Variants in CATSPERG observed in about 807,000 individuals in gnomAD.
The protein encoded by CATSPERG is cation channel sperm-associated auxiliary subunit gamma.
Under a neutral mutation model 145.0 loss-of-function variants are expected in CATSPERG, and 115 were observed. That is an observed-to-expected ratio of 0.79 (90% CI 0.68 to 0.93). CATSPERG has a LOEUF of 0.93. Ranked by LOEUF, CATSPERG falls within the 40% of genes least tolerant of loss-of-function variation. The pLI, the probability that CATSPERG is intolerant of heterozygous loss-of-function variation, is 0.00. For missense variants in CATSPERG, 1,296 were observed against 1,490.1 expected (o/e 0.87, Z 2.14); for synonymous variants, 588 against 589.0 (o/e 1.00, Z 0.02).
Position 38,359,499 on chromosome 19 carries a change from C to T in CATSPERG, c.1526C>T (p.Ala509Val). The T allele has an allele frequency of 6.2e-7, 1 of 1,613,670 alleles. No individual in the cohort carries two copies. Among genetic ancestry groups the T allele is most frequent in the Non-Finnish European group, 8.5e-7 (1 of 1,179,650 alleles). ...AACAAGGAAAACTTCATCTACCTGG[C>T]AGACTTCCCCAAGGAACTGTCCATC... ...SSNKENFIYLADFPKELSIKY... is the reference protein window; with the variant it reads ...SSNKENFIYLVDFPKELSIKY... The change falls in exon 14 of 29, where the codon GCA becomes GTA. Residue 509 changes from alanine (A) to valine (V), a missense_variant. Physicochemically the swap from Ala to Val is moderately conservative, Grantham distance 64. Coordinates refer to ENST00000409235, the MANE Select transcript of CATSPERG (RefSeq NM_021185.5).
intron 9 of CATSPERG, among the ~76,000 whole-genome samples, chr19:38,355,804 A>C (rs997100043): frequency 2.0e-5 from 3 of 152,218 alleles, no homozygotes; most frequent in African/African-American, 7.2e-5. Context: ...CCAGGGGCCC[A>C]CAGGGTAGGT....
At chr19:38,360,697 C>T in intron 15 of CATSPERG, 34 bp from the exon 16 acceptor site, 1 of 1,613,822 alleles carries the variant, frequency 6.2e-7, no homozygotes, top group Middle Eastern at 1.6e-4. Context: ...GGAGGGCTGA[C>T]CCCAGCTCAC....
At chr19:38,344,172 C>T in intron 5 of CATSPERG, 53 bp downstream of exon 5, 2 of 1,549,460 alleles carry the variant, frequency 1.3e-6, no homozygotes, top group Non-Finnish European at 1.7e-6. Flanking sequence ...ATTCCTCACC[C>T]CAGGGTCCCC....
Position 38,367,691 on chromosome 19 carries a change from C to A in CATSPERG, c.2845C>A (p.Leu949Met). ...TTCTGTCCCTGGTAGCTATGTTCTG[C>A]TGGTGGTGGGTGGCGGGCCCACACT... is the stretch of plus-strand genomic sequence containing the variant. ...SGSFQGSYVLLVVGGGPTLDS... is the reference protein window; with the variant it reads ...SGSFQGSYVLMVVGGGPTLDS... Residue 949 changes from leucine to methionine, a missense_variant, in exon 25 of 29, where the codon CTG (leucine) becomes ATG (methionine). Leu to Met is a conservative substitution (Grantham distance 15). Transcript: ENST00000409235. 6.2e-7 allele frequency: 1 copy of A among 1,614,140 alleles called. No individual in the cohort carries two copies. Among genetic ancestry groups the A allele is most frequent in the Non-Finnish European group, 8.5e-7 (1 of 1,180,018 alleles).
intron 19 of CATSPERG, 32 bp from the exon 20 acceptor site, chr19:38,362,682 G>A (rs1249312790): frequency 6.8e-6 from 11 of 1,607,984 alleles, no homozygotes; most frequent in Non-Finnish European, 8.5e-6. Context: ...GTCTGTGAGG[G>A]AGGCCTTAAC....
chr19:38,370,370 C>G, intron 28 of CATSPERG, 112 bp downstream of exon 28: 4 of 1,387,820 alleles, frequency 2.9e-6, no homozygotes, highest in Non-Finnish European at 4.1e-6. Flanking sequence ...TCTAGCCATG[C>G]TGACTGAACG....
At chr19:38,346,276 T>G (rs955854145) in intron 6 of CATSPERG, among the ~76,000 whole-genome samples, 174 bp from the exon 7 acceptor site, 1 of 152,160 alleles carries the variant, frequency 6.6e-6, no homozygotes, top group African/African-American at 2.4e-5. Context: ...AGAAGAGGCC[T>G]TGTGGCTGGG....
intron 3 of CATSPERG, among the ~76,000 whole-genome samples, chr19:38,340,446 A>G (rs990412249): frequency 3.3e-5 from 5 of 151,426 alleles, no homozygotes; most frequent in African/African-American, 1.2e-4. Flanking sequence ...TCAGCTGCCC[A>G]AGTAGCTGGG....
At chr19:38,354,655 G>A (rs1032932946) in intron 8 of CATSPERG, 55 bp from the exon 9 acceptor site, 3 of 1,592,506 alleles carry the variant, frequency 1.9e-6, no homozygotes, top group Non-Finnish European at 2.6e-6. Flanking sequence ...TGGGCAGGGG[G>A]CAGAGGCCCC....
chr19:38,340,050 C>T (rs1192624505), intron 3 of CATSPERG, among the ~76,000 whole-genome samples: 2 of 151,906 alleles, frequency 1.3e-5, no homozygotes, highest in Non-Finnish European at 2.9e-5. Context: ...GACAGGGTTT[C>T]ACCATGTTGG....
chr19:38,358,480 G>A lies in CATSPERG; in HGVS notation c.1415G>A (p.Ser472Asn). ...ATCCTAGGGACAGAGTCCTACACCAGCACTGCAATGGCCCCCAAGGGCATC... is the reference window on the plus strand; with the variant it reads ...ATCCTAGGGACAGAGTCCTACACCAACACTGCAATGGCCCCCAAGGGCATC... ...LMILGTESYT[S>N]TAMAPKGIFC... Residue 472 changes from serine (S) to asparagine (N), a missense_variant, in exon 13 of 29, where the codon AGC (serine) becomes AAC (asparagine). By Grantham distance (46) the Ser-to-Asn change is conservative (BLOSUM62 1). Transcript: ENST00000409235. 6.2e-7 allele frequency: 1 copy of A among 1,614,196 alleles called. No homozygotes were observed. The highest frequency in any genetic ancestry group is 8.5e-7 in the Non-Finnish European group (1 of 1,180,024).
chr19:38,337,150 C>A (rs1228192686), intron 1 of CATSPERG, 71 bp from the exon 2 acceptor site: 2 of 1,506,794 alleles, frequency 1.3e-6, no homozygotes, highest in Non-Finnish European at 1.8e-6. Flanking sequence ...GGCGCAGAAG[C>A]GAGGTGGAAT....
intron 1 of CATSPERG, 130 bp from the exon 2 acceptor site, chr19:38,337,091 G>T: frequency 8.8e-7 from 1 of 1,136,164 alleles, no homozygotes; most frequent in Non-Finnish European, 1.2e-6. Context: ...GTGCAGGGGC[G>T]GGGCCAGGAG....
At chr19:38,338,549 G>T (rs944210929) in intron 3 of CATSPERG, among the ~76,000 whole-genome samples, 2 of 152,016 alleles carry the variant, frequency 1.3e-5, no homozygotes, top group Non-Finnish European at 1.5e-5. Flanking sequence ...CTGAGGCAGG[G>T]TCTCACTCTG....
intron 3 of CATSPERG, among the ~76,000 whole-genome samples, chr19:38,339,305 T>C (rs1969897808): frequency 6.6e-6 from 1 of 152,182 alleles, no homozygotes; most frequent in Non-Finnish European, 1.5e-5. Flanking sequence ...GAGCCCTGGA[T>C]TCTATCGAGG....
intron 9 of CATSPERG, among the ~76,000 whole-genome samples, 185 bp downstream of exon 9, chr19:38,355,032 T>G (rs1970218496): frequency 6.6e-6 from 1 of 152,164 alleles, no homozygotes; most frequent in Admixed American, 6.5e-5. Context: ...TATGTATCTT[T>G]CATGATGTAC....
intron 3 of CATSPERG, among the ~76,000 whole-genome samples, chr19:38,342,600 GAAA>G (rs756886890): frequency 2.8e-5 from 3 of 105,430 alleles, no homozygotes; most frequent in Admixed American, 9.7e-5. Context: ...ACTCCTTCTT[GAAA>G]AAAAAAAAAA....
chr19:38,340,919 G>A (rs1450213200), intron 3 of CATSPERG, among the ~76,000 whole-genome samples: 1 of 140,814 alleles, frequency 7.1e-6, no homozygotes, highest in Non-Finnish European at 1.6e-5. Context: ...TTTTAGTGGG[G>A]GTCGTTGGAG....
rs780424218 is a variant in CATSPERG, at chr19:38,367,781, T to TC, written c.2930+9dup. 132 of 1,613,128 alleles carry TC rather than the reference T, an allele frequency of 8.2e-5. No individual in the cohort carries two copies. Among genetic ancestry groups the TC allele is most frequent in the Non-Finnish European group, 1.1e-4 (125 of 1,179,260 alleles). On this transcript the variant is annotated splice_donor_region_variant and intron_variant, in intron 25 of 28. Transcript: ENST00000409235. ...CTTCAACAGCCCCCTGGACAAGTAA[T>TC]CCCCGTGGGGTCCCACGTGTAATCC...
Sources: gnomAD v4.1 joint callset for allele counts (sites outside exome capture counted in the v4.1 genomes callset) on GRCh38, gnomAD v4.1.1 for gene constraint, MANE v1.5 for transcripts, NCBI Gene and HGNC (gene_info 2026-07-23, HGNC 2026-07-21) for gene names.